SESTD1: variants seen among roughly 807,000 people sequenced by gnomAD.
SESTD1 encodes the protein SEC14 and spectrin domain containing 1, also known as SEC14 domain and spectrin repeat-containing protein 1.
In SESTD1, 43 loss-of-function variants were observed where a neutral mutation model predicts 101.7. The ratio of observed to expected loss-of-function variants is 0.42; its 90% confidence interval spans 0.33 to 0.55. The LOEUF (loss-of-function observed/expected upper bound fraction) is 0.55. SESTD1 is among the 20% of genes least tolerant of loss of function. The pLI, the probability that SESTD1 is intolerant of heterozygous loss-of-function variation, is 0.07. For missense variants in SESTD1, 647 were observed against 815.1 expected (o/e 0.79, Z 2.51); for synonymous variants, 283 against 286.8 (o/e 0.99, Z 0.13).
At chr2:179,245,353 T>A (rs1033921646) in intron 1 of SESTD1, among the ~76,000 whole-genome samples, 2 of 151,488 alleles carry the variant, frequency 1.3e-5, no homozygotes, top group South Asian at 4.2e-4. Flanking sequence ...CTGTCTCTAT[T>A]GAAAATACAA....
intron 1 of SESTD1, among the ~76,000 whole-genome samples, chr2:179,199,033 G>A (rs552579360): frequency 2.0e-4 from 31 of 152,058 alleles, no homozygotes; most frequent in Non-Finnish European, 2.9e-4. Flanking sequence ...TTTTTGACAG[G>A]ATCAACAAAA....
At chr2:179,213,409 A>T (rs191403245) in intron 1 of SESTD1, among the ~76,000 whole-genome samples, 2 of 135,044 alleles carry the variant, frequency 1.5e-5, no homozygotes, top group East Asian at 4.0e-4. Context: ...GTGATTGAAG[A>T]TCAAATTAAT....
At chr2:179,157,818 C>G (rs1476933949) in intron 5 of SESTD1, among the ~76,000 whole-genome samples, 1 of 152,106 alleles carries the variant, frequency 6.6e-6, no homozygotes, top group African/African-American at 2.4e-5. Flanking sequence ...ATGCTTCTGG[C>G]AAAGAAATTA....
chr2:179,253,847 C>T (rs1246058040), intron 1 of SESTD1, among the ~76,000 whole-genome samples: 1 of 152,072 alleles, frequency 6.6e-6, no homozygotes, highest in Non-Finnish European at 1.5e-5. Context: ...CCTGTAACCC[C>T]AGCACTTTAG....
intron 17 of SESTD1, among the ~76,000 whole-genome samples, chr2:179,111,795 C>T (rs1241999989): frequency 1.3e-5 from 2 of 151,056 alleles, no homozygotes; most frequent in Non-Finnish European, 2.9e-5. Flanking sequence ...TCTCGGCTCA[C>T]TGCAAGCTCC....
At chr2:179,196,787 C>A (rs1373882433) in intron 1 of SESTD1, among the ~76,000 whole-genome samples, 1 of 152,078 alleles carries the variant, frequency 6.6e-6, no homozygotes, top group African/African-American at 2.4e-5. Context: ...GAAAGGACAT[C>A]CACACCAAAA....
chr2:179,230,128 T>C (rs1181945084), intron 1 of SESTD1, among the ~76,000 whole-genome samples: 8 of 58,800 alleles, frequency 1.4e-4, no homozygotes, highest in African/African-American at 2.8e-4. Context: ...TTTTTTTTTT[T>C]TTTTTTTTTT....
At chr2:179,113,542 C>A (rs1020205009) in intron 16 of SESTD1, among the ~76,000 whole-genome samples, 8 of 152,214 alleles carry the variant, frequency 5.3e-5, no homozygotes, top group African/African-American at 1.9e-4. Context: ...AAAAAGTATT[C>A]ATTTTTACAA....
At chr2:179,206,255 T>A (rs2046589249) in intron 1 of SESTD1, among the ~76,000 whole-genome samples, 1 of 135,246 alleles carries the variant, frequency 7.4e-6, no homozygotes, top group African/African-American at 2.9e-5. Flanking sequence ...ACAGGAAAAC[T>A]AAAGAGTTCA....
chr2:179,185,981 T>C (rs1297773645), intron 2 of SESTD1, among the ~76,000 whole-genome samples: 1 of 143,406 alleles, frequency 7.0e-6, no homozygotes, highest in East Asian at 2.0e-4. Context: ...CAATATAGTA[T>C]ATTATATACA....
chr2:179,140,665 C>T lies in SESTD1; in HGVS notation c.849+2927G>A, dbSNP rs114414855. Among the ~76,000 whole-genome samples, 365 of 152,280 alleles carry T rather than the reference C, an allele frequency of 2.4e-3. 2 individuals are homozygous for T. The highest frequency in any genetic ancestry group is 8.0e-3 in the African/African-American group (334 of 41,548). Reference sequence around the variant, plus strand: ...TCTTTCCTTCAGAGACAGTTATCAACGACTTGTCTATACTCATTGCTTCCT... The same window carrying T: ...TCTTTCCTTCAGAGACAGTTATCAATGACTTGTCTATACTCATTGCTTCCT... On this transcript the variant is annotated intron_variant, in intron 9 of 17. Coordinates refer to ENST00000428443, the MANE Select transcript of SESTD1 (RefSeq NM_178123.5).
intron 4 of SESTD1, among the ~76,000 whole-genome samples, 158 bp from the exon 5 acceptor site, chr2:179,172,391 T>A: frequency 6.6e-6 from 1 of 152,214 alleles, no homozygotes; most frequent in Non-Finnish European, 1.5e-5. Flanking sequence ...AAAACATACA[T>A]GGCAATAAAG....
intron 9 of SESTD1, among the ~76,000 whole-genome samples, chr2:179,142,588 T>C (rs562923330): frequency 6.6e-6 from 1 of 152,282 alleles, no homozygotes; most frequent in East Asian, 1.9e-4. Context: ...GCTTCCTTTT[T>C]CCTCAACAGA....
intron 2 of SESTD1, among the ~76,000 whole-genome samples, chr2:179,184,364 C>G (rs949593073): frequency 6.6e-6 from 1 of 152,154 alleles, no homozygotes; most frequent in Admixed American, 6.6e-5. Flanking sequence ...AAGAAAAAGA[C>G]TCATATTAGT....
At position 179,103,430 on chromosome 2, in the gene SESTD1, C is replaced by T. The variant is rs2044314880; in HGVS notation, c.*6469G>A. 6.6e-6 allele frequency: 1 copy of T among 151,998 alleles called. No individual in the cohort carries two copies. The highest frequency in any genetic ancestry group is 2.4e-5 in the African/African-American group (1 of 41,370). 9.4% of individuals were successfully genotyped at this position (151,998 alleles called of 1,614,324 possible). ...TACCCTGTGACCCAGCAATTCTAAT[C>T]CAAGGAATTTACTGCAAAGAAATGA... On this transcript the variant is annotated 3_prime_UTR_variant, in exon 18 of 18. Coordinates refer to ENST00000428443, the MANE Select transcript of SESTD1 (RefSeq NM_178123.5).
chr2:179,203,415 C>T lies in SESTD1; in HGVS notation c.-25-11549G>A, dbSNP rs114067809. ...CCAACCTGGGCAACATGGCAAGAAC[C>T]CCACTCTATTTTTTAAAAAAGGGGA... On this transcript the variant is annotated intron_variant, in intron 1 of 17. Transcript: ENST00000428443. 4.8e-3 allele frequency among the ~76,000 whole-genome samples: 639 copies of T among 132,990 alleles called. 142 individuals are homozygous for T. The highest frequency in any genetic ancestry group is 0.018 in the African/African-American group (607 of 33,422). 87.2% of individuals were successfully genotyped at this position (132,990 alleles called of 152,430 possible).
Position 179,230,113 on chromosome 2 carries a change from C to CTTTTTTTTTTTTTTTTTTTTTT in SESTD1, c.-26+34364_-26+34385dup, listed in dbSNP as rs71023474. ...AAATATTCCAAACTGGATTGTATCT[C>CTTTTTTTTTTTTTTTTTTTTTT]TTTTTTTTTTTTTTTTTTTTTTTTT... On this transcript the variant is annotated intron_variant, in intron 1 of 17. Coordinates refer to ENST00000428443, the MANE Select transcript of SESTD1 (RefSeq NM_178123.5). Among the ~76,000 whole-genome samples, 3 of 56,420 alleles carry CTTTTTTTTTTTTTTTTTTTTTT rather than the reference C, an allele frequency of 5.3e-5. 1 individual carries two copies. Among genetic ancestry groups the CTTTTTTTTTTTTTTTTTTTTTT allele is most frequent in the Non-Finnish European group, 1.0e-4 (3 of 29,970 alleles). 37.0% of individuals were successfully genotyped at this position (56,420 alleles called of 152,430 possible). A position where few individuals can be genotyped will look rare whatever the true frequency, so the allele number is the denominator to read the frequency against.
At chr2:179,127,190 G>A (rs2044893095) in intron 10 of SESTD1, among the ~76,000 whole-genome samples, 1 of 152,146 alleles carries the variant, frequency 6.6e-6, no homozygotes, top group Non-Finnish European at 1.5e-5. Context: ...CATTCTTGCT[G>A]TTCCTCAATC....
chr2:179,262,244 C>T (rs1010571875), intron 1 of SESTD1, among the ~76,000 whole-genome samples: 5 of 152,072 alleles, frequency 3.3e-5, no homozygotes, highest in African/African-American at 1.2e-4. Flanking sequence ...GTACAAGGTT[C>T]TTTTTAGGGT....
Sources: gnomAD v4.1 joint callset for allele counts (sites outside exome capture counted in the v4.1 genomes callset) on GRCh38, gnomAD v4.1.1 for gene constraint, MANE v1.5 for transcripts, NCBI Gene and HGNC (gene_info 2026-07-23, HGNC 2026-07-21) for gene names.